OLAH: variants seen among roughly 807,000 people sequenced by gnomAD.
OLAH encodes the protein S-acyl fatty acid synthase thioesterase, medium chain.
A neutral mutation model predicts 27.8 loss-of-function variants in OLAH; 33 were observed. The ratio of observed to expected loss-of-function variants is 1.19; its 90% CI spans 0.90 to 1.59. The LOEUF is 1.59. Ranked by LOEUF, OLAH falls within the 40% of genes most tolerant of loss-of-function variation. OLAH has a pLI of 0.00. For missense variants in OLAH, 359 were observed against 310.8 expected, an observed-to-expected ratio of 1.16 and a Z score of -1.17; for synonymous variants, 120 against 102.9, an observed-to-expected ratio of 1.17 and a Z score of -1.01.
At chr10:15,061,655 G>A (rs1018926134) in intron 3 of OLAH, 69 bp from the exon 4 acceptor site, 2 of 1,380,566 alleles carry the variant, frequency 1.4e-6, no homozygotes, top group Admixed American at 2.7e-5. Flanking sequence ...GTAAATATGA[G>A]CCCTTTTATA....
At chr10:15,059,926 G>C (rs1186791996) in intron 3 of OLAH, among the ~76,000 whole-genome samples, 1 of 152,176 alleles carries the variant, frequency 6.6e-6, no homozygotes. Context: ...TGATGGACAA[G>C]CCTTGGTGTG....
At chr10:15,034,432 C>T (rs1049546270) in intron 1 of OLAH, among the ~76,000 whole-genome samples, 41 of 152,136 alleles carry the variant, frequency 2.7e-4, no homozygotes, top group African/African-American at 8.9e-4. Flanking sequence ...TGCACCCAGC[C>T]GACTCTACCC....
chr10:15,041,040 C>G (rs1466431544), upstream of OLAH, among the ~76,000 whole-genome samples: 1 of 152,208 alleles, frequency 6.6e-6, no homozygotes, highest in Non-Finnish European at 1.5e-5. Context: ...AGACAGTGAA[C>G]AATGTTGGTG....
Position 15,049,060 on chromosome 10 carries a change from G to A in OLAH, c.33-575G>A, listed in dbSNP as rs1446315846. ...GGAGGTTGCTGTGAGCCGACATTACGCCGCTACATTCCAGCCTGGGCAACA... is the reference window on the plus strand; with the variant it reads ...GGAGGTTGCTGTGAGCCGACATTACACCGCTACATTCCAGCCTGGGCAACA... On this transcript the variant is annotated intron_variant, in intron 2 of 7. Transcript: ENST00000378228. 3.5e-5 allele frequency among the ~76,000 whole-genome samples: 5 copies of A among 144,122 alleles called. No homozygotes were observed. In the East Asian group the frequency reaches 8.3e-4, roughly 24 times the overall value. The allele number at this position is 144,122 out of a possible 152,430, so 94.5% of individuals were successfully genotyped here.
At position 15,071,792 on chromosome 10, in the gene OLAH, T is replaced by C. The variant is rs1239811633; in HGVS notation, c.573-3T>C. On this transcript the variant is annotated splice_polypyrimidine_tract_variant and splice_region_variant and intron_variant, in intron 6 of 7. Transcript: ENST00000378228. ...TTACTAACCAGCTCTTTTATGTTTA[T>C]AGCTCTAACGTACCATCTAAGGCTG... 6.2e-7 allele frequency: 1 copy of C among 1,607,988 alleles called. No individual in the cohort carries two copies. The highest frequency in any genetic ancestry group is 1.7e-5 in the Admixed American group (1 of 59,564).
intron 5 of OLAH, 81 bp downstream of exon 5, chr10:15,064,583 T>C (rs1038293764): frequency 9.5e-6 from 7 of 737,994 alleles, no homozygotes; most frequent in African/African-American, 1.8e-5. Flanking sequence ...TTTCTCTATC[T>C]GGTGAATTCT....
chr10:15,047,425 G>A, intron 2 of OLAH, 105 bp downstream of exon 2: 1 of 1,138,774 alleles, frequency 8.8e-7, no homozygotes, highest in East Asian at 2.6e-5. Context: ...TCTCAGCCAG[G>A]TGCTCACACT....
intron 6 of OLAH, chr10:15,068,137 G>T (rs1418248156): frequency 6.6e-6 from 1 of 152,152 alleles, no homozygotes; most frequent in African/African-American, 2.4e-5. Flanking sequence ...GCCTGTCAAA[G>T]AACTTCTTCA....
chr10:15,034,641 G>A (rs553853028), intron 1 of OLAH, among the ~76,000 whole-genome samples: 1 of 152,128 alleles, frequency 6.6e-6, no homozygotes, highest in Non-Finnish European at 1.5e-5. Flanking sequence ...CAGCCACTTT[G>A]TTCTTGCAGG....
chr10:15,069,509 G>A (rs1038710224), intron 6 of OLAH, among the ~76,000 whole-genome samples: 2 of 152,158 alleles, frequency 1.3e-5, no homozygotes, highest in East Asian at 1.9e-4. Context: ...CTGTGGAGGT[G>A]TCTCTCTAGC....
chr10:15,048,631 C>G (rs1010053706), intron 2 of OLAH, among the ~76,000 whole-genome samples: 33 of 152,122 alleles, frequency 2.2e-4, no homozygotes, highest in African/African-American at 7.7e-4. Context: ...CATGAAGATA[C>G]CAAGATTGAA....
In OLAH at chr10:15,047,233, T is replaced by C; in HGVS notation, c.-56T>C. ...CTTCGTCTCAAGAGGAACTGACTTC[T>C]GTTGAGCACTCAACACGCCACAGAG... On this transcript the variant is annotated 5_prime_UTR_variant, in exon 2 of 8. Transcript: ENST00000378228. 1 of 1,595,334 alleles carries C rather than the reference T, an allele frequency of 6.3e-7. No individual in the cohort carries two copies. The highest frequency in any genetic ancestry group is 1.3e-5 in the African/African-American group (1 of 74,430).
intron 4 of OLAH, 103 bp downstream of exon 4, chr10:15,061,965 G>T: frequency 9.4e-7 from 1 of 1,069,326 alleles, no homozygotes; most frequent in Non-Finnish European, 1.3e-6. Context: ...CCTTTGTATT[G>T]GTTAGACAGC....
rs572063281 is a variant in OLAH, at chr10:15,052,791, G to A, written c.163+3026G>A. ...TCACCCAGGCCCCAGGCCCCAGGCC[G>A]GAGTGCAGTGGCGTGATCTCGGCTC... On this transcript the variant is annotated intron_variant, in intron 3 of 7. Coordinates refer to ENST00000378228, the MANE Select transcript of OLAH (RefSeq NM_001039702.3). 9.4e-5 allele frequency among the ~76,000 whole-genome samples: 12 copies of A among 127,292 alleles called. No homozygotes were observed. In the Admixed American group the frequency reaches 9.8e-4, roughly 10 times the overall value. The allele number at this position is 127,292 out of a possible 152,430, so 83.5% of individuals were successfully genotyped here.
intron 3 of OLAH, among the ~76,000 whole-genome samples, chr10:15,060,749 C>T (rs1372174365): frequency 2.0e-5 from 3 of 152,062 alleles, no homozygotes; most frequent in Non-Finnish European, 2.9e-5. Context: ...CTGTTTCTTA[C>T]GTTTGATGCT....
At chr10:15,057,613 T>C (rs1451162145) in intron 3 of OLAH, among the ~76,000 whole-genome samples, 1 of 152,058 alleles carries the variant, frequency 6.6e-6, no homozygotes, top group Non-Finnish European at 1.5e-5. Flanking sequence ...CTCAAACTCC[T>C]GACTTCAGGT....
At chr10:15,063,725 G>A (rs938787226) in intron 4 of OLAH, among the ~76,000 whole-genome samples, 4 of 152,076 alleles carry the variant, frequency 2.6e-5, no homozygotes, top group East Asian at 1.9e-4. Flanking sequence ...TTTTAAAGAC[G>A]TTTATTAACT....
intron 7 of OLAH, 134 bp downstream of exon 7, chr10:15,072,011 G>A (rs1844598367): frequency 3.4e-6 from 2 of 589,942 alleles, no homozygotes; most frequent in Non-Finnish European, 6.0e-6. Context: ...TCAGCTCATT[G>A]CAACCTCCGC....
chr10:15,053,044 A>G (rs945298122), intron 3 of OLAH, among the ~76,000 whole-genome samples: 1 of 152,120 alleles, frequency 6.6e-6, no homozygotes, highest in Non-Finnish European at 1.5e-5. Context: ...TCTGGCCACA[A>G]ATCCTCAAAT....
Sources: allele counts gnomAD v4.1 joint callset (sites outside exome capture counted in the v4.1 genomes callset), GRCh38; gene constraint gnomAD v4.1.1; transcripts MANE v1.5; gene names NCBI Gene and HGNC (gene_info 2026-07-23, HGNC 2026-07-21).